TTLL5: variants seen among roughly 807,000 people sequenced by gnomAD.
The protein encoded by TTLL5 is tubulin tyrosine ligase like 5, also known as tubulin polyglutamylase TTLL5.
TTLL5 carries 132 observed loss-of-function variants against 168.4 expected under a neutral mutation model. The ratio of observed to expected loss-of-function variants is 0.78; its 90% confidence interval spans 0.68 to 0.91. The LOEUF is 0.91. Ranked by LOEUF, TTLL5 falls within the 40% of genes least tolerant of loss-of-function variation. TTLL5 has a pLI of 0.00. For missense variants in TTLL5, 1,545 were observed against 1,581.5 expected (o/e 0.98, Z 0.39); for synonymous variants, 546 against 558.6 (o/e 0.98, Z 0.32).
intron 30 of TTLL5, chr14:75,887,274 A>G (rs1275038922): frequency 2.0e-6 from 2 of 985,838 alleles, no homozygotes; most frequent in East Asian, 1.1e-4. Context: ...ATGTCAGAAG[A>G]ATATGAAAAT....
At chr14:75,927,001 G>A (rs1247448366) in intron 31 of TTLL5, among the ~76,000 whole-genome samples, 1 of 152,202 alleles carries the variant, frequency 6.6e-6, no homozygotes, top group Non-Finnish European at 1.5e-5. Flanking sequence ...GCCGAGAAAT[G>A]GGGAGTGACT....
intron 30 of TTLL5, among the ~76,000 whole-genome samples, chr14:75,889,825 T>TAA (rs1183125823): frequency 0.012 from 397 of 32,916 alleles, 5 homozygotes; most frequent in African/African-American, 0.051. Flanking sequence ...GCGAGACTCT[T>TAA]AAAAAAAAAA....
At chr14:75,773,949 G>A (rs113594078) in intron 21 of TTLL5, among the ~76,000 whole-genome samples, 1,427 of 46,384 alleles carry the variant, frequency 0.031, 70 homozygotes, top group South Asian at 0.073. Flanking sequence ...GAGAGAGAGA[G>A]AGAGAGAAAG....
chr14:75,914,033 A>AAAAAAAAATATATATATATATATATAT, intron 31 of TTLL5, among the ~76,000 whole-genome samples: 1 of 71,098 alleles, frequency 1.4e-5, no homozygotes, highest in African/African-American at 1.5e-4. Context: ...AAAAAAAAAA[A>AAAAAAAAATATATATATATATATATAT]ATATATATAT....
At chr14:75,775,678 C>G in intron 22 of TTLL5, 48 bp downstream of exon 22, 2 of 1,602,932 alleles carry the variant, frequency 1.2e-6, no homozygotes, top group East Asian at 4.5e-5. Context: ...CATACACTGT[C>G]AGAAACAGAC....
chr14:75,880,431 G>A (rs1343706660), intron 29 of TTLL5, among the ~76,000 whole-genome samples: 1 of 152,110 alleles, frequency 6.6e-6, no homozygotes, highest in Non-Finnish European at 1.5e-5. Flanking sequence ...ATTTCCAAGA[G>A]CTCTTAACTA....
chr14:75,715,940 G>A (rs752809272), intron 9 of TTLL5, among the ~76,000 whole-genome samples: 19 of 151,980 alleles, frequency 1.3e-4, no homozygotes, highest in Non-Finnish European at 2.2e-4. Context: ...TCAAGTACTT[G>A]TAGTAACTAC....
chr14:75,942,671 T>C (rs2034647979), intron 31 of TTLL5, among the ~76,000 whole-genome samples: 1 of 152,186 alleles, frequency 6.6e-6, no homozygotes, highest in Non-Finnish European at 1.5e-5. Flanking sequence ...GTGATTCTCA[T>C]AGTGCAGTTT....
Position 75,863,762 on chromosome 14 carries a change from C to A in TTLL5, c.3422C>A (p.Pro1141His). 1 of 1,613,750 alleles carries A rather than the reference C, an allele frequency of 6.2e-7. No individual in the cohort carries two copies. The highest frequency in any genetic ancestry group is 8.5e-7 in the Non-Finnish European group (1 of 1,179,912). The change falls in exon 29 of 32, where the codon CCC (proline) becomes CAC (histidine). Residue 1141 changes from proline to histidine, a missense_variant. Physicochemically the swap from Pro to His is moderately conservative, Grantham distance 77 (BLOSUM62 -2). Coordinates refer to ENST00000298832, the MANE Select transcript of TTLL5 (RefSeq NM_015072.5). ...GTGGTCCCCCAGCACAAGTATCACC[C>A]CACAGCAGGCAGCTATCAGCTTCAA... ...TGVVPQHKYH[P>H]TAGSYQLQFA... is the part of the protein sequence containing the mutation.
chr14:75,927,465 C>T (rs760230), intron 31 of TTLL5, among the ~76,000 whole-genome samples: 122,306 of 152,162 alleles, frequency 0.8, 49,336 homozygotes, highest in African/African-American at 0.87. Context: ...CTGAAAGAAT[C>T]AATAGTTAAT....
intron 5 of TTLL5, among the ~76,000 whole-genome samples, chr14:75,688,893 C>T (rs10135212): frequency 0.7 from 106,014 of 152,066 alleles, 38,441 homozygotes; most frequent in Non-Finnish European, 0.81. Context: ...TTTGGCAGTT[C>T]ATTATAAAGT....
chr14:75,781,957 C>CAAAA (rs11350842), intron 24 of TTLL5, among the ~76,000 whole-genome samples: 2 of 69,462 alleles, frequency 2.9e-5, no homozygotes, highest in East Asian at 3.8e-4. Context: ...AAACTTTGTT[C>CAAAA]AAAAAAAAAA....
At chr14:75,784,916 G>T (rs1000809112) in intron 26 of TTLL5, among the ~76,000 whole-genome samples, 10 of 151,950 alleles carry the variant, frequency 6.6e-5, no homozygotes, top group South Asian at 4.2e-4. Flanking sequence ...TAAATTATTT[G>T]CCCTTTTTAA....
chr14:75,728,979 A>G (rs1436890683), intron 12 of TTLL5, among the ~76,000 whole-genome samples: 1 of 152,196 alleles, frequency 6.6e-6, no homozygotes, highest in African/African-American at 2.4e-5. Flanking sequence ...ACAGTCAGTT[A>G]TTAGAGAGGG....
At chr14:75,735,616 T>C (rs1594945499) in intron 15 of TTLL5, among the ~76,000 whole-genome samples, 2 of 152,214 alleles carry the variant, frequency 1.3e-5, no homozygotes, top group East Asian at 3.8e-4. Flanking sequence ...AGCCTATTAA[T>C]TCTTAGTCAT....
At chr14:75,903,985 G>A (rs1409373535) in intron 31 of TTLL5, 3 of 578,004 alleles carry the variant, frequency 5.2e-6, no homozygotes, top group Non-Finnish European at 6.7e-6. Flanking sequence ...AGGATTAAAT[G>A]AAGCAATATA....
At chr14:75,723,037 G>A (rs536992304) in intron 12 of TTLL5, among the ~76,000 whole-genome samples, 1 of 152,198 alleles carries the variant, frequency 6.6e-6, no homozygotes, top group African/African-American at 2.4e-5. Context: ...GTAGTCATGT[G>A]TATATTTGTC....
intron 20 of TTLL5, among the ~76,000 whole-genome samples, chr14:75,771,165 A>G (rs913861097): frequency 6.6e-6 from 1 of 152,180 alleles, no homozygotes; most frequent in African/African-American, 2.4e-5. Context: ...ACTCAGGCCT[A>G]TATGTAATCC....
intron 28 of TTLL5, among the ~76,000 whole-genome samples, chr14:75,829,345 G>A (rs1895429333): frequency 6.6e-6 from 1 of 152,120 alleles, no homozygotes; most frequent in African/African-American, 2.4e-5. Flanking sequence ...TTGACCAGAA[G>A]CCTTATGGAT....
Sources: allele counts gnomAD v4.1 joint callset (sites outside exome capture counted in the v4.1 genomes callset), GRCh38; gene constraint gnomAD v4.1.1; transcripts MANE v1.5; gene names NCBI Gene and HGNC (gene_info 2026-07-23, HGNC 2026-07-21).